Variants in NRXN2 observed in about 807,000 individuals in gnomAD.
NRXN2 encodes neurexin 2, also known as neurexin-2-beta.
In NRXN2, 29 loss-of-function variants were observed where a neutral mutation model predicts 128.8. That is an observed-to-expected ratio of 0.23 (90% CI 0.17 to 0.31). The LOEUF (loss-of-function observed/expected upper bound fraction) is 0.31, where lower values mean the gene tolerates loss of function less well. NRXN2 is among the 10% of genes least tolerant of loss of function. The pLI, the probability that NRXN2 is intolerant of heterozygous loss-of-function variation, is 1.00. For synonymous variants in NRXN2, 1,098 were observed against 1,075.2 expected, an observed-to-expected ratio of 1.02 and a Z score of -0.41; for missense variants, 1,881 against 2,452.6, an observed-to-expected ratio of 0.77 and a Z score of 4.92.
chr11:64,721,990 G>A (rs1347134044), intron 1 of NRXN2, among the ~76,000 whole-genome samples: 1 of 152,018 alleles, frequency 6.6e-6, no homozygotes, highest in Admixed American at 6.6e-5. Flanking sequence ...GATTCAGGAG[G>A]GGGGTGAGAG....
chr11:64,679,152 G>A (rs867563905), intron 6 of NRXN2, among the ~76,000 whole-genome samples: 1 of 152,158 alleles, frequency 6.6e-6, no homozygotes, highest in Admixed American at 6.5e-5. Flanking sequence ...TAAACAACCA[G>A]GCCCAGAACG....
At position 64,658,091 on chromosome 11, in the gene NRXN2, C is replaced by A. The variant is rs1215797941; in HGVS notation, c.2389+2241G>T. Among the ~76,000 whole-genome samples, 3 of 152,282 alleles carry A rather than the reference C, an allele frequency of 2.0e-5. No homozygotes were observed. In the East Asian group the frequency reaches 5.8e-4, roughly 29 times the overall value. On this transcript the variant is annotated intron_variant, in intron 11 of 22. Transcript: ENST00000265459. ...TTTTCCTGACCAAGGACATTGTTTC[C>A]TGTCTAATCTTAAGAGACACAATCT...
In NRXN2 at chr11:64,607,526, G is replaced by A. The variant is rs1484426714; in HGVS notation, c.4809C>T (p.Ala1603=). 1 of 1,583,428 alleles carries A rather than the reference G, an allele frequency of 6.3e-7. No homozygotes were observed. The highest frequency in any genetic ancestry group is 2.3e-5 in the East Asian group (1 of 44,192). The change falls in exon 23 of 23, where the codon GCC becomes GCT. Residue 1603 remains alanine (A), a synonymous_variant. Coordinates refer to ENST00000265459, the MANE Select transcript of NRXN2 (RefSeq NM_015080.4). ...PPPLRPGVTS[A]PGFPHLPTAN... is the part of the protein sequence containing the mutation. ...CTGTGGGCAGATGGGGGAAGCCGGG[G>A]GCTGAGGTCACGCCGGGGCGCAGGG...
chr11:64,690,835 C>G (rs1306931756), intron 4 of NRXN2, among the ~76,000 whole-genome samples: 1 of 152,120 alleles, frequency 6.6e-6, no homozygotes, highest in Non-Finnish European at 1.5e-5. Context: ...TTCCCCCTTT[C>G]AACTGCTCGC....
intron 1 of NRXN2, among the ~76,000 whole-genome samples, chr11:64,719,661 G>C (rs1202279194): frequency 6.6e-6 from 1 of 152,188 alleles, no homozygotes; most frequent in Non-Finnish European, 1.5e-5. Flanking sequence ...GGGGGCCGGA[G>C]GACAGGTGCA....
intron 4 of NRXN2, among the ~76,000 whole-genome samples, chr11:64,691,880 G>C (rs1055855720): frequency 6.6e-6 from 1 of 152,178 alleles, no homozygotes. Context: ...TACCGGCTAA[G>C]GACCCCACTC....
rs890175145 is a variant in NRXN2 at position 64,714,251 on chromosome 11, G to T, written c.-244-308C>A. Among the ~76,000 whole-genome samples, 1 of 152,058 alleles carries T rather than the reference G, an allele frequency of 6.6e-6. No homozygotes were observed. Among genetic ancestry groups the T allele is most frequent in the African/African-American group, 2.4e-5 (1 of 41,412 alleles). ...TCCCTCACCCTCTCAAAGGACCCCA[G>T]TGTCAGGAAGGACCAAGGCCAGCTC... On this transcript the variant is annotated intron_variant, in intron 1 of 22. Transcript: ENST00000265459. This position sits in a 1 kb window ranked among gnomAD's most constrained non-coding sequence, Gnocchi z 4.5.
intron 7 of NRXN2, among the ~76,000 whole-genome samples, chr11:64,673,700 GTGTT>G (rs1316444673): frequency 1.3e-5 from 2 of 151,906 alleles, no homozygotes; most frequent in African/African-American, 4.8e-5. Context: ...GTGTGTGTGT[GTGTT>G]TGTTTTAGAG....
rs552395154 is a variant in NRXN2, at chr11:64,704,046, T to G, written c.731-6254A>C. Among the ~76,000 whole-genome samples, 3 of 152,322 alleles carry G rather than the reference T, an allele frequency of 2.0e-5. No individual in the cohort carries two copies. The East Asian group carries it at 5.8e-4, about 29-fold the overall frequency. ...GCTTGTCTCTGGGTCTGAGAGCAAC[T>G]GCTGTCTATACCACCCTCTAGAGAA... On this transcript the variant is annotated intron_variant, in intron 2 of 22. Coordinates refer to ENST00000265459, the MANE Select transcript of NRXN2 (RefSeq NM_015080.4).
intron 19 of NRXN2, among the ~76,000 whole-genome samples, chr11:64,627,148 C>T (rs963674290): frequency 6.6e-6 from 1 of 152,080 alleles, no homozygotes; most frequent in African/African-American, 2.4e-5. Flanking sequence ...TCAATTTCCA[C>T]CTCATACCAC....
chr11:64,626,606 G>A, intron 19 of NRXN2, 54 bp from the exon 20 acceptor site: 2 of 1,306,544 alleles, frequency 1.5e-6, no homozygotes, highest in East Asian at 2.3e-5. Flanking sequence ...GTCCAAAGGA[G>A]TTAGAAAAGT....
intron 17 of NRXN2, chr11:64,643,025 C>T (rs541647050): frequency 1.0e-6 from 1 of 1,003,660 alleles, no homozygotes; most frequent in Non-Finnish European, 1.2e-6. Flanking sequence ...GTCCAGGATG[C>T]CTGGGTCCAT....
intron 6 of NRXN2, among the ~76,000 whole-genome samples, chr11:64,681,814 G>GGCACC (rs34420862): frequency 4.1e-3 from 1 of 246 alleles, no homozygotes; most frequent in Non-Finnish European, 0.026. Context: ...TAAGAAAATT[G>GGCACC]GATGAGTATG....
At position 64,622,937 on chromosome 11, in the gene NRXN2, T is replaced by C. The variant is rs760807793; in HGVS notation, c.3989A>G (p.Asn1330Ser). 24 of 1,613,332 alleles carry C rather than the reference T, an allele frequency of 1.5e-5. No homozygotes were observed. The highest frequency in any genetic ancestry group is 1.9e-5 in the Non-Finnish European group (23 of 1,179,810). ...GCGCAGGTGACCCTCAGTCCGCACA[T>C]TGGGGTCGCTCTCGGCGGCCAGCGC... ...VLALAAESDPNVRTEGHLRLV... is the reference protein window; with the variant it reads ...VLALAAESDPSVRTEGHLRLV... Residue 1330 changes from asparagine (N) to serine (S), a missense_variant, in exon 21 of 23, where the codon AAT becomes AGT. This residue lies in a region of NRXN2 where 108 missense variants were observed against 165.2 expected (regional missense o/e 0.65). Coordinates refer to ENST00000265459, the MANE Select transcript of NRXN2 (RefSeq NM_015080.4). The surrounding 1 kb of genome is among the most constrained non-coding windows in gnomAD (Gnocchi z 4.3).
intron 6 of NRXN2, among the ~76,000 whole-genome samples, chr11:64,681,424 C>A (rs895952385): frequency 6.6e-6 from 1 of 152,090 alleles, no homozygotes; most frequent in Non-Finnish European, 1.5e-5. Flanking sequence ...CTCAAATACA[C>A]GTTTCCAAGG....
intron 2 of NRXN2, among the ~76,000 whole-genome samples, chr11:64,707,125 C>T (rs2056417276): frequency 6.6e-6 from 1 of 151,954 alleles, no homozygotes; most frequent in Admixed American, 6.6e-5. Flanking sequence ...ACCTGTAATC[C>T]CAGCACTTTG....
intron 22 of NRXN2, 26 bp from the exon 23 acceptor site, chr11:64,608,108 G>A (rs2039995491): frequency 1.3e-6 from 2 of 1,566,040 alleles, no homozygotes; most frequent in Non-Finnish European, 1.7e-6. Context: ...GAAGAGAAAA[G>A]AGAGGGCGTC....
chr11:64,694,143 C>A (rs1278678335), intron 3 of NRXN2, among the ~76,000 whole-genome samples: 2 of 152,180 alleles, frequency 1.3e-5, no homozygotes, highest in Non-Finnish European at 1.5e-5. Flanking sequence ...TGGGCTGAGA[C>A]CCCAGGGCTT....
chr11:64,616,710 G>T (rs2041586864), intron 22 of NRXN2, among the ~76,000 whole-genome samples: 1 of 152,158 alleles, frequency 6.6e-6, no homozygotes, highest in Admixed American at 6.5e-5. Flanking sequence ...ATGTGTGTGT[G>T]ATTCTGAACA....
Sources: allele counts gnomAD v4.1 joint callset (sites outside exome capture counted in the v4.1 genomes callset), GRCh38; gene constraint gnomAD v4.1.1; regional missense constraint gnomAD v4.1.1; non-coding constraint Gnocchi (gnomAD v3.1); transcripts MANE v1.5; gene names NCBI Gene and HGNC (gene_info 2026-07-23, HGNC 2026-07-21).